The following CDC42BPA variants were observed in gnomAD, a reference collection of about 807,000 sequenced individuals.
CDC42BPA encodes CDC42 binding protein kinase alpha.
In CDC42BPA, 80 loss-of-function variants were observed where a neutral mutation model predicts 223.5. The ratio of observed to expected loss-of-function variants is 0.36; its 90% confidence interval spans 0.30 to 0.43. The LOEUF (loss-of-function observed/expected upper bound fraction) is 0.43. Among genes scored for constraint, CDC42BPA ranks in the 20% least tolerant of loss-of-function variants. The pLI is 1.00. For synonymous variants in CDC42BPA, 694 were observed against 718.6 expected, an observed-to-expected ratio of 0.97 and a Z score of 0.55; for missense variants, 1,743 against 2,099.9, an observed-to-expected ratio of 0.83 and a Z score of 3.32.
At chr1:227,250,640 A>ATG (rs59921051) in intron 2 of CDC42BPA, among the ~76,000 whole-genome samples, 2 of 150,814 alleles carry the variant, frequency 1.3e-5, no homozygotes, top group African/African-American at 2.5e-5. Context: ...GTGTGTGTGT[A>ATG]TGTGTGTGTG....
chr1:227,186,666 C>G (rs1253324010), intron 5 of CDC42BPA, among the ~76,000 whole-genome samples: 1 of 152,194 alleles, frequency 6.6e-6, no homozygotes, highest in Non-Finnish European at 1.5e-5. Context: ...CGCCCCTTGC[C>G]ACTACATCAC....
intron 5 of CDC42BPA, among the ~76,000 whole-genome samples, chr1:227,179,408 G>A (rs531723325): frequency 2.3e-4 from 35 of 151,824 alleles, no homozygotes; most frequent in Admixed American, 5.9e-4. Flanking sequence ...AGGCCGAGGC[G>A]GGCGGATCAC....
chr1:227,033,286 C>A (rs1252088217), intron 27 of CDC42BPA, 48 bp downstream of exon 27: 1 of 1,247,786 alleles, frequency 8.0e-7, no homozygotes, highest in South Asian at 1.2e-5. Context: ...AAAATATACT[C>A]ATTAAAAACA....
At chr1:227,018,422 CCTTT>C (rs1162000075) in intron 32 of CDC42BPA, among the ~76,000 whole-genome samples, 3 of 152,134 alleles carry the variant, frequency 2.0e-5, no homozygotes, top group Non-Finnish European at 1.5e-5. Context: ...GGCTTTCCTT[CCTTT>C]GTCAAAGAAA....
In CDC42BPA at chr1:227,248,790, C is replaced by CA. The variant is rs79572442; in HGVS notation, c.270+5273dup. Among the ~76,000 whole-genome samples, 80 of 151,902 alleles carry CA rather than the reference C, an allele frequency of 5.3e-4. 1 individual carries two copies. The East Asian group carries it at 0.015, about 29-fold the overall frequency. On this transcript the variant is annotated intron_variant, in intron 2 of 36. Coordinates refer to ENST00000366766, the MANE Select transcript of CDC42BPA (RefSeq NM_001394014.1). ...CTGATGAAAGAAACTGAAGAGGACA[C>CA]AAAAAACTGAAAAAATATTCAATGT...
rs181668331 is a variant in CDC42BPA, at chr1:227,071,099, G to A, written c.2827+1109C>T. On this transcript the variant is annotated intron_variant, in intron 20 of 36. Coordinates refer to ENST00000366766, the MANE Select transcript of CDC42BPA (RefSeq NM_001394014.1). ...TCTGAATTACTATTCACTTTTTCTG[G>A]GCTCCTTCCTTTTGTTGTTAATTAA... Among the ~76,000 whole-genome samples, 5 of 151,490 alleles carry A rather than the reference G, an allele frequency of 3.3e-5. No individual in the cohort carries two copies. In the East Asian group the frequency reaches 9.7e-4, roughly 29 times the overall value.
intron 1 of CDC42BPA, among the ~76,000 whole-genome samples, chr1:227,299,209 T>C (rs1316658761): frequency 6.6e-6 from 1 of 152,170 alleles, no homozygotes; most frequent in South Asian, 2.1e-4. Flanking sequence ...TATGTAAAAA[T>C]TCTTAGGGTT....
chr1:227,077,250 T>C (rs187846246), intron 17 of CDC42BPA, among the ~76,000 whole-genome samples: 161 of 152,296 alleles, frequency 1.1e-3, no homozygotes, highest in African/African-American at 3.8e-3. Context: ...GTTATCCCAC[T>C]TATAAAATGG....
At chr1:227,118,609 T>C (rs980397360) in intron 12 of CDC42BPA, among the ~76,000 whole-genome samples, 2 of 152,106 alleles carry the variant, frequency 1.3e-5, no homozygotes, top group African/African-American at 4.8e-5. Flanking sequence ...CTGATTTTCA[T>C]CCTCTTTCCA....
chr1:227,047,899 A>G, intron 23 of CDC42BPA, 28 bp downstream of exon 23: 1 of 1,366,580 alleles, frequency 7.3e-7, no homozygotes, highest in Non-Finnish European at 1.0e-6. Flanking sequence ...TTTTTGGAAC[A>G]CACTATGCTT....
intron 5 of CDC42BPA, among the ~76,000 whole-genome samples, chr1:227,168,392 C>T (rs571088901): frequency 6.6e-6 from 1 of 151,698 alleles, no homozygotes; most frequent in Non-Finnish European, 1.5e-5. Flanking sequence ...TGTAACTTGT[C>T]ATTTTTTCCT....
chr1:227,215,847 A>G (rs1010456402), intron 2 of CDC42BPA, among the ~76,000 whole-genome samples: 3 of 152,222 alleles, frequency 2.0e-5, no homozygotes, highest in Non-Finnish European at 4.4e-5. Context: ...ACATAGAAAT[A>G]TGGATAGAAA....
At chr1:227,255,513 C>T (rs935188808) in intron 1 of CDC42BPA, among the ~76,000 whole-genome samples, 2 of 152,092 alleles carry the variant, frequency 1.3e-5, no homozygotes, top group Admixed American at 6.6e-5. Flanking sequence ...ATTAGCTGAA[C>T]GTGGTGGCAT....
chr1:227,313,174 T>C (rs976106052), intron 1 of CDC42BPA, among the ~76,000 whole-genome samples: 2 of 152,154 alleles, frequency 1.3e-5, no homozygotes, highest in African/African-American at 4.8e-5. Context: ...AAGGGTGATG[T>C]TCCTAAAAAC....
rs1277427361 is a variant in CDC42BPA at position 226,994,710 on chromosome 1, C to T, written c.5133+113G>A. On this transcript the variant is annotated intron_variant, in intron 36 of 36. Transcript: ENST00000366766. This position sits in a 1 kb window ranked among gnomAD's most constrained non-coding sequence, Gnocchi z 4.0. Reference sequence around the variant, plus strand: ...CCCGCTGGCCAAGAGTGAATGCTGGCCCCTGACCCCGAACCCTGCTGCAGC... The same window carrying T: ...CCCGCTGGCCAAGAGTGAATGCTGGTCCCTGACCCCGAACCCTGCTGCAGC... 1.3e-5 allele frequency: 15 copies of T among 1,129,648 alleles called. No homozygotes were observed. In the East Asian group the frequency reaches 3.4e-4, roughly 25 times the overall value. 70.0% of individuals were successfully genotyped at this position (1,129,648 alleles called of 1,614,324 possible). A position where few individuals can be genotyped will look rare whatever the true frequency, so the allele number is the denominator to read the frequency against.
chr1:227,024,189 G>A (rs1317144387), intron 31 of CDC42BPA, among the ~76,000 whole-genome samples: 2 of 152,164 alleles, frequency 1.3e-5, no homozygotes, highest in Non-Finnish European at 2.9e-5. Context: ...TTTTATGGAA[G>A]AGGAAATATG....
chr1:227,016,179 T>C lies in CDC42BPA; in HGVS notation c.4758A>G (p.Pro1586=). 1 of 1,575,248 alleles carries C rather than the reference T, an allele frequency of 6.3e-7. No homozygotes were observed. Among genetic ancestry groups the C allele is most frequent in the East Asian group, 2.2e-5 (1 of 44,694 alleles). ...TAGAAATTAATTTATTTCTCATTTC[T>C]GGATCTCGTAGCATTTCCCTGTAAG... ...MQQRREMLRD[P]EMRNKLISNP... The change falls in exon 34 of 37, where the codon CCA becomes CCG. Residue 1586 remains proline, a synonymous_variant. Coordinates refer to ENST00000366766, the MANE Select transcript of CDC42BPA (RefSeq NM_001394014.1).
intron 15 of CDC42BPA, among the ~76,000 whole-genome samples, chr1:227,097,733 C>A (rs182823063): frequency 6.6e-6 from 1 of 152,266 alleles, no homozygotes; most frequent in Non-Finnish European, 1.5e-5. Context: ...TAGGAGCACT[C>A]AACCAGTCAG....
intron 14 of CDC42BPA, among the ~76,000 whole-genome samples, chr1:227,107,000 T>C (rs1235498410): frequency 6.6e-6 from 1 of 152,208 alleles, no homozygotes; most frequent in African/African-American, 2.4e-5. Flanking sequence ...CTCCTCCAAC[T>C]TTGTCCTTTT....
Sources: gnomAD v4.1 joint callset for allele counts (sites outside exome capture counted in the v4.1 genomes callset) on GRCh38, gnomAD v4.1.1 for gene constraint, Gnocchi (gnomAD v3.1) non-coding constraint, MANE v1.5 for transcripts, NCBI Gene and HGNC (gene_info 2026-07-23, HGNC 2026-07-21) for gene names.